EML5: variants seen among roughly 807,000 people sequenced by gnomAD.
EML5 encodes EMAP like 5, also known as echinoderm microtubule-associated protein-like 5.
EML5 carries 120 observed loss-of-function variants against 250.0 expected under a neutral mutation model. The ratio of observed to expected loss-of-function variants is 0.48; its 90% CI spans 0.41 to 0.56. The LOEUF is 0.56. Ranked by LOEUF, EML5 falls within the 20% of genes least tolerant of loss-of-function variation. EML5 has a pLI of 0.00. For missense variants in EML5, 2,006 were observed against 2,437.6 expected, an observed-to-expected ratio of 0.82 and a Z score of 3.73; for synonymous variants, 771 against 806.5, an observed-to-expected ratio of 0.96 and a Z score of 0.75.
intron 21 of EML5, among the ~76,000 whole-genome samples, chr14:88,674,050 C>T (rs2092536604): frequency 6.6e-6 from 1 of 152,190 alleles, no homozygotes; most frequent in Non-Finnish European, 1.5e-5. Context: ...GGGCGGATCA[C>T]TTAATATCAG....
chr14:88,685,178 C>T (rs1460626818), intron 19 of EML5, 36 bp from the exon 20 acceptor site: 14 of 1,560,998 alleles, frequency 9.0e-6, no homozygotes, highest in Non-Finnish European at 1.1e-5. Context: ...TTTAGACATA[C>T]AGTTACTATA....
chr14:88,736,691 T>G (rs2140204322), intron 6 of EML5, 126 bp from the exon 7 acceptor site: 1 of 867,240 alleles, frequency 1.2e-6, no homozygotes, highest in South Asian at 1.8e-5. Flanking sequence ...TAAGACAGTT[T>G]AAAGCCTGAA....
In EML5 at chr14:88,621,120, G is replaced by A. The variant is rs868396525; in HGVS notation, c.5195C>T (p.Ala1732Val). 1 of 1,613,346 alleles carries A rather than the reference G, an allele frequency of 6.2e-7. No individual in the cohort carries two copies. The highest frequency in any genetic ancestry group is 1.3e-5 in the African/African-American group (1 of 74,810). ...AAAATTATCTGTACTTACTTTATCA[G>A]CAATATCCCAAAGTCTCACTGTCCC... Reference protein sequence around the residue: ...EDGTVRLWDIADKKMLNKVNL... With the variant: ...EDGTVRLWDIVDKKMLNKVNL... Residue 1732 changes from alanine (A) to valine (V), a missense_variant, in exon 38 of 44, where the codon GCT (alanine) becomes GTT (valine). This residue lies in a region of EML5 where 405 missense variants were observed against 523.3 expected (regional missense o/e 0.77). Transcript: ENST00000554922.
chr14:88,687,801 G>T (rs1444120765), intron 18 of EML5, among the ~76,000 whole-genome samples: 1 of 152,008 alleles, frequency 6.6e-6, no homozygotes, highest in Non-Finnish European at 1.5e-5. Context: ...AGACCTGGCT[G>T]GCACCATGGC....
At chr14:88,780,585 C>A (rs1461891893) in intron 1 of EML5, among the ~76,000 whole-genome samples, 2 of 145,684 alleles carry the variant, frequency 1.4e-5, no homozygotes, top group African/African-American at 2.5e-5. Flanking sequence ...TTTTTTTTTT[C>A]TTTTAAGATG....
chr14:88,644,292 G>A, intron 30 of EML5, 141 bp downstream of exon 30: 1 of 677,098 alleles, frequency 1.5e-6, no homozygotes, highest in Non-Finnish European at 2.4e-6. Context: ...CCAAAACTCA[G>A]ACTTACATAA....
intron 2 of EML5, among the ~76,000 whole-genome samples, chr14:88,754,110 A>G (rs542438938): frequency 6.6e-6 from 1 of 152,314 alleles, no homozygotes; most frequent in South Asian, 2.1e-4. Flanking sequence ...TGGGCAGCAG[A>G]GCGTGACCCT....
At chr14:88,639,697 C>T (rs921194412) in intron 31 of EML5, among the ~76,000 whole-genome samples, 5 of 152,058 alleles carry the variant, frequency 3.3e-5, no homozygotes, top group Admixed American at 3.3e-4. Flanking sequence ...ATGCCTCAGC[C>T]TCCCAAGTAG....
At chr14:88,737,150 A>G (rs1186047500) in intron 6 of EML5, among the ~76,000 whole-genome samples, 1 of 152,178 alleles carries the variant, frequency 6.6e-6, no homozygotes, top group African/African-American at 2.4e-5. Context: ...GTGAGTACAG[A>G]CAGAGCTGTA....
At chr14:88,634,580 T>G in intron 32 of EML5, 91 bp from the exon 33 acceptor site, 5 of 712,420 alleles carry the variant, frequency 7.0e-6, no homozygotes, top group Non-Finnish European at 1.1e-5. Flanking sequence ...TAAACTATTA[T>G]ATACAAAATT....
At chr14:88,662,974 G>A (rs1595427979) in intron 24 of EML5, 57 bp downstream of exon 24, 8 of 1,328,352 alleles carry the variant, frequency 6.0e-6, no homozygotes, top group South Asian at 5.5e-5. Context: ...GTAGGTATCA[G>A]TTTTCTAGCC....
intron 13 of EML5, 78 bp from the exon 14 acceptor site, chr14:88,702,710 G>A: frequency 9.8e-7 from 1 of 1,017,702 alleles, no homozygotes; most frequent in Non-Finnish European, 1.3e-6. Flanking sequence ...GGGAGAAGTA[G>A]GTACCCTTTG....
chr14:88,750,806 A>G (rs1166380586), intron 2 of EML5, among the ~76,000 whole-genome samples: 1 of 152,206 alleles, frequency 6.6e-6, no homozygotes, highest in African/African-American at 2.4e-5. Flanking sequence ...AGTATTTACT[A>G]TTTGGGAACC....
intron 10 of EML5, among the ~76,000 whole-genome samples, chr14:88,709,069 A>C (rs2139817772): frequency 6.6e-6 from 1 of 152,182 alleles, no homozygotes; most frequent in Admixed American, 6.5e-5. Flanking sequence ...ATATGATCTA[A>C]ATATTTTCAA....
At chr14:88,696,103 C>T (rs543328012) in intron 15 of EML5, among the ~76,000 whole-genome samples, 5 of 151,846 alleles carry the variant, frequency 3.3e-5, no homozygotes, top group East Asian at 3.9e-4. Flanking sequence ...TGGTATTTTT[C>T]GTGGTGACTC....
chr14:88,726,858 G>A (rs1233402358), intron 7 of EML5, among the ~76,000 whole-genome samples, 180 bp from the exon 8 acceptor site: 1 of 152,120 alleles, frequency 6.6e-6, no homozygotes, highest in East Asian at 1.9e-4. Flanking sequence ...GACAGAAGTT[G>A]ATAGAATCTT....
chr14:88,668,974 T>C (rs2092384618), intron 21 of EML5, among the ~76,000 whole-genome samples: 1 of 148,320 alleles, frequency 6.7e-6, no homozygotes. Flanking sequence ...GCAACTGAGG[T>C]ATCCAGGTTC....
chr14:88,705,264 T>C (rs555542698), intron 12 of EML5, among the ~76,000 whole-genome samples: 8 of 152,154 alleles, frequency 5.3e-5, no homozygotes, highest in African/African-American at 1.9e-4. Context: ...CAAAATCCTA[T>C]AGGCAAATAG....
intron 1 of EML5, among the ~76,000 whole-genome samples, chr14:88,785,056 GGA>G (rs1315679930): frequency 2.0e-5 from 3 of 152,196 alleles, no homozygotes; most frequent in African/African-American, 7.2e-5. Flanking sequence ...GGATGGGACT[GGA>G]GATTGTTAAG....
Sources: gnomAD v4.1 joint callset for allele counts (sites outside exome capture counted in the v4.1 genomes callset) on GRCh38, gnomAD v4.1.1 for gene constraint, gnomAD v4.1.1 regional missense constraint, MANE v1.5 for transcripts, NCBI Gene and HGNC (gene_info 2026-07-23, HGNC 2026-07-21) for gene names.